CCDC32: variants seen among roughly 807,000 people sequenced by gnomAD.
CCDC32 encodes the protein coiled-coil domain-containing protein 32.
A neutral mutation model predicts 20.1 loss-of-function variants in CCDC32; 9 were observed. The ratio of observed to expected loss-of-function variants is 0.45; its 90% confidence interval spans 0.27 to 0.78. The LOEUF is 0.78. CCDC32 is among the 30% of genes least tolerant of loss of function. CCDC32 has a pLI of 0.16. For synonymous variants in CCDC32, 63 were observed against 79.0 expected (o/e 0.80, Z 1.07); for missense variants, 204 against 215.5 (o/e 0.95, Z 0.33).
rs1555414198 is a variant in CCDC32, at chr15:40,545,472, C to CTTTA, written c.402-6118_402-6117insTAAA. ...AGTCAGTTTGTTTGGGAAAAGAAAA[C>CTTTA]CTTTAGAGCAATGTGTGACACAACA... On this transcript the variant is annotated intron_variant, in intron 3 of 3. Transcript: ENST00000558113. Among the ~76,000 whole-genome samples, 3 of 151,818 alleles carry CTTTA rather than the reference C, an allele frequency of 2.0e-5. 1 individual carries two copies. Among genetic ancestry groups the CTTTA allele is most frequent in the South Asian group, 4.2e-4 (2 of 4,812 alleles).
intron 3 of CCDC32, among the ~76,000 whole-genome samples, chr15:40,529,848 A>G (rs1888822742): frequency 6.6e-6 from 1 of 150,994 alleles, no homozygotes; most frequent in South Asian, 2.1e-4. Context: ...TTTTTAGTAG[A>G]GACGGGGTTT....
chr15:40,553,948 GTGTGTGTGTGTGTGTGTGTA>G lies in CCDC32; in HGVS notation c.*3_*22del, dbSNP rs1890052154. ...TGTGTGTGTGTGTGTGTGTGTGTGT[GTGTGTGTGTGTGTGTGTGTA>G]ATTTACTGTTCTGCTGCTGCTGGCT... is the stretch of plus-strand genomic sequence containing the variant. On this transcript the variant is annotated 3_prime_UTR_variant, in exon 4 of 4. Transcript: ENST00000416810. The G allele has an allele frequency of 1.4e-6, 2 of 1,403,956 alleles. No individual in the cohort carries two copies. The highest frequency in any genetic ancestry group is 2.3e-5 in the African/African-American group (1 of 42,992). The allele number at this position is 1,403,956 out of a possible 1,614,324, so 87.0% of individuals were successfully genotyped here.
In CCDC32 at chr15:40,540,776, A is replaced by C. The variant is rs567264930; in HGVS notation, c.402-1421T>G. ...TGACCACAGTGTGAAAGGACAGTAG[A>C]GTCAGTGCCCCTAATGTCACCATGT... On this transcript the variant is annotated intron_variant, in intron 3 of 3. Transcript: ENST00000558113. Among the ~76,000 whole-genome samples, 38 of 152,306 alleles carry C rather than the reference A, an allele frequency of 2.5e-4. 1 individual carries two copies. Among genetic ancestry groups the C allele is most frequent in the Middle Eastern group, 6.8e-3 (2 of 294 alleles).
chr15:40,531,925 C>T, downstream of CCDC32: 1 of 173,512 alleles, frequency 5.8e-6, no homozygotes, highest in South Asian at 1.9e-4. Flanking sequence ...AGTGCATACA[C>T]CAGATTGCAC....
downstream of CCDC32, among the ~76,000 whole-genome samples, chr15:40,524,281 C>T (rs1464463280): frequency 2.7e-5 from 4 of 150,740 alleles, no homozygotes; most frequent in Admixed American, 6.6e-5. Flanking sequence ...CTCAGCCTCC[C>T]GAGTAGCTGG....
intron 3 of CCDC32, among the ~76,000 whole-genome samples, chr15:40,544,931 T>G (rs1047951888): frequency 1.3e-5 from 2 of 152,264 alleles, no homozygotes; most frequent in Admixed American, 6.5e-5. Context: ...AGAAAAATTT[T>G]AGAATTGTTA....
In CCDC32 at chr15:40,553,752, C is replaced by T. The variant is rs538148629; in HGVS notation, c.*219G>A. 9.9e-4 allele frequency: 1,346 copies of T among 1,357,630 alleles called. 2 individuals are homozygous for T. Among genetic ancestry groups the T allele is most frequent in the Non-Finnish European group, 1.2e-3 (1,243 of 1,056,198 alleles). 84.1% of individuals were successfully genotyped at this position (1,357,630 alleles called of 1,614,324 possible). A position where few individuals can be genotyped will look rare whatever the true frequency, so the allele number is the denominator to read the frequency against. On this transcript the variant is annotated 3_prime_UTR_variant, in exon 4 of 4. Transcript: ENST00000416810. ...ACTGGGTCAGTCACTTCATCCGAGA[C>T]AGTCACACATGCCAGCCCCAGGTAA... is the stretch of plus-strand genomic sequence containing the variant.
intron 3 of CCDC32, among the ~76,000 whole-genome samples, chr15:40,543,437 CTGTTT>C (rs1440828859): frequency 6.6e-6 from 1 of 152,002 alleles, no homozygotes; most frequent in Non-Finnish European, 1.5e-5. Flanking sequence ...GCCTCTCTCT[CTGTTT>C]TGTTTTTGTT....
At chr15:40,539,241 T>C in exon 4 of CCDC32, 1 of 1,535,446 alleles carries the variant, frequency 6.5e-7, no homozygotes, top group Non-Finnish European at 8.7e-7. Context: ...GCTGTTACCA[T>C]GACGACTGCT....
At position 40,553,102 on chromosome 15, in the gene CCDC32, C is replaced by T. The variant is rs1048599788; in HGVS notation, c.*869G>A. On this transcript the variant is annotated 3_prime_UTR_variant, in exon 4 of 4. Transcript: ENST00000416810. ...AACAGCACCACAGACACTGCTATTC[C>T]GTTGAGAAAAGTTTTATATGGAAAC... 26 of 984,640 alleles carry T rather than the reference C, an allele frequency of 2.6e-5. No homozygotes were observed. Among genetic ancestry groups the T allele is most frequent in the African/African-American group, 5.2e-5 (3 of 57,210 alleles). The allele number at this position is 984,640 out of a possible 1,614,324, so 61.0% of individuals were successfully genotyped here.
intron 3 of CCDC32, chr15:40,528,904 C>T (rs1894934194): frequency 1.6e-6 from 1 of 632,030 alleles, no homozygotes; most frequent in Non-Finnish European, 2.8e-6. Context: ...GTCTAACCAC[C>T]TCTGGCTCCA....
chr15:40,524,436 C>T (rs973432428), downstream of CCDC32, among the ~76,000 whole-genome samples: 13 of 151,870 alleles, frequency 8.6e-5, no homozygotes, highest in East Asian at 1.6e-3. Flanking sequence ...GGATTACAGG[C>T]CTGAGCCACC....
chr15:40,534,929 G>A, downstream of CCDC32: 1 of 702,504 alleles, frequency 1.4e-6, no homozygotes, highest in Non-Finnish European at 2.6e-6. Flanking sequence ...AGATGTCAGG[G>A]TCTGAAGGCT....
chr15:40,558,345 TA>T (rs963083053), intron 2 of CCDC32, among the ~76,000 whole-genome samples: 29 of 152,040 alleles, frequency 1.9e-4, no homozygotes, highest in East Asian at 1.3e-3. Flanking sequence ...CTCACCCATG[TA>T]AAAAAAACCT....
At chr15:40,544,482 G>T (rs1353488689) in intron 3 of CCDC32, among the ~76,000 whole-genome samples, 1 of 152,194 alleles carries the variant, frequency 6.6e-6, no homozygotes, top group Non-Finnish European at 1.5e-5. Context: ...CTCCCAAAGT[G>T]CTGGGATTGT....
At chr15:40,552,481 CA>C (rs58360713), downstream of CCDC32, among the ~76,000 whole-genome samples, 57 of 94,334 alleles carry the variant, frequency 6.0e-4, no homozygotes, top group Middle Eastern at 5.8e-3. Context: ...AACTCCATCT[CA>C]AAAAAAAAAA....
At chr15:40,539,880 A>ACACACACACACACACACCCCCC (rs769226221) in intron 3 of CCDC32, among the ~76,000 whole-genome samples, 1 of 139,040 alleles carries the variant, frequency 7.2e-6, no homozygotes, top group African/African-American at 2.6e-5. Context: ...ACACACACAC[A>ACACACACACACACACACCCCCC]CCCCGCTCCT....
intron 2 of CCDC32, 151 bp downstream of exon 2, chr15:40,562,621 G>A (rs1395404952): frequency 1.2e-6 from 1 of 834,848 alleles, no homozygotes; most frequent in Non-Finnish European, 1.9e-6. Flanking sequence ...TCAAGGAAAA[G>A]GGGGCTGCTT....
chr15:40,522,101 T>TA, the CCDC32 span, among the ~76,000 whole-genome samples: 3 of 152,106 alleles, frequency 2.0e-5, no homozygotes, highest in African/African-American at 4.8e-5. Context: ...GCAGATTATT[T>TA]AAAAAAAGAG....
Sources: gnomAD v4.1 joint callset for allele counts (sites outside exome capture counted in the v4.1 genomes callset) on GRCh38, gnomAD v4.1.1 for gene constraint, MANE v1.5 for transcripts, NCBI Gene and HGNC (gene_info 2026-07-23, HGNC 2026-07-21) for gene names.